The following PDE6A variants were observed in gnomAD, a reference collection of about 807,000 sequenced individuals.
PDE6A encodes the protein phosphodiesterase 6A.
In PDE6A, 84 loss-of-function variants were observed where a neutral mutation model predicts 106.3. That is an observed-to-expected ratio of 0.79 (90% CI 0.66 to 0.95). The LOEUF (loss-of-function observed/expected upper bound fraction) is 0.95, where lower values mean the gene tolerates loss of function less well. Ranked by LOEUF, PDE6A falls within the 40% of genes least tolerant of loss-of-function variation. The pLI is 0.00. For synonymous variants in PDE6A, 394 were observed against 386.6 expected, an observed-to-expected ratio of 1.02 and a Z score of -0.23; for missense variants, 1,052 against 1,084.9, an observed-to-expected ratio of 0.97 and a Z score of 0.43.
Position 149,889,228 on chromosome 5 carries a change from G to A in PDE6A, c.1729-2854C>T, listed in dbSNP as rs1752449210. Among the ~76,000 whole-genome samples, 5 of 151,796 alleles carry A rather than the reference G, an allele frequency of 3.3e-5. No homozygotes were observed. In the South Asian group the frequency reaches 1.0e-3, roughly 32 times the overall value. On this transcript the variant is annotated intron_variant, in intron 13 of 21. Transcript: ENST00000255266. ...TCTTTTAAAACAACAAATTTTCTTTGAGTATTGGTCTGCTGTTAACAGGAA... is the reference window on the plus strand; with the variant it reads ...TCTTTTAAAACAACAAATTTTCTTTAAGTATTGGTCTGCTGTTAACAGGAA...
chr5:149,913,202 CG>C, intron 6 of PDE6A, among the ~76,000 whole-genome samples: 1 of 151,884 alleles, frequency 6.6e-6, no homozygotes, highest in South Asian at 2.1e-4. Flanking sequence ...ACCAACATGG[CG>C]AAACCCCATC....
chr5:149,921,679 C>T lies in PDE6A; in HGVS notation c.889G>A (p.Gly297Ser), dbSNP rs1753726260. The part of the protein sequence containing the change: ...EFFDVWPVLM[G>S]EVPPYSGPRT... ...GGACCAGAGTAAGGTGGAACTTCAC[C>T]CATCAGAACCGGCCACACATCAAAA... is the stretch of plus-strand genomic sequence containing the variant. Residue 297 changes from glycine (G) to serine (S), a missense_variant, in exon 5 of 22, where the codon GGT becomes AGT. Transcript: ENST00000255266. 1 of 1,613,856 alleles carries T rather than the reference C, an allele frequency of 6.2e-7. No homozygotes were observed. The highest frequency in any genetic ancestry group is 8.5e-7 in the Non-Finnish European group (1 of 1,179,834).
At chr5:149,900,251 A>G (rs1752915878) in intron 8 of PDE6A, among the ~76,000 whole-genome samples, 3 of 151,142 alleles carry the variant, frequency 2.0e-5, no homozygotes, top group African/African-American at 7.3e-5. Flanking sequence ...AATCCCAGCT[A>G]CTCGGGAGGC....
In PDE6A at chr5:149,886,348, C is replaced by T. The variant is rs139011078; in HGVS notation, c.1755G>A (p.Thr585=). Residue 585 remains threonine, a synonymous_variant, in exon 14 of 22, where the codon ACG becomes ACA. Coordinates refer to ENST00000255266, the MANE Select transcript of PDE6A (RefSeq NM_000440.3). ...LVTGKLKRYF[T]DLEALAMVTA... Reference sequence around the variant, plus strand: ...TGACCATGGCCAAGGCCTCTAGGTCCGTGAAGTAGCGCTTCAGCTTTCCCG... The same window carrying T: ...TGACCATGGCCAAGGCCTCTAGGTCTGTGAAGTAGCGCTTCAGCTTTCCCG... 4.5e-5 allele frequency: 73 copies of T among 1,614,080 alleles called. No individual in the cohort carries two copies. The African/African-American group carries it at 8.0e-4, about 18-fold the overall frequency.
At chr5:149,918,548 A>T (rs1189005287) in intron 5 of PDE6A, among the ~76,000 whole-genome samples, 1 of 152,166 alleles carries the variant, frequency 6.6e-6, no homozygotes, top group Non-Finnish European at 1.5e-5. Flanking sequence ...CACTGTGCTC[A>T]TATATTATTT....
Position 149,907,313 on chromosome 5 carries a change from A to G in PDE6A, c.1064T>C (p.Leu355Pro), listed in dbSNP as rs745657531. Residue 355 changes from leucine (L) to proline (P), a missense_variant and splice_region_variant, in exon 7 of 22, where the codon CTG becomes CCG. This residue lies in a region of PDE6A where 913 missense variants were observed against 915.2 expected (regional missense o/e 1.00). Coordinates refer to ENST00000255266, the MANE Select transcript of PDE6A (RefSeq NM_000440.3). ...CCCCTTCAAAGTTATATTACTTACC[A>G]GGCCATTCTGGGCAACATAAGCTGG... ...GLPAYVAQNG[L>P]ICNIMNAPAE... 2 of 1,611,652 alleles carry G rather than the reference A, an allele frequency of 1.2e-6. No individual in the cohort carries two copies. The highest frequency in any genetic ancestry group is 2.2e-5 in the South Asian group (2 of 91,026).
chr5:149,867,909 C>A, intron 18 of PDE6A, 110 bp from the exon 19 acceptor site: 1 of 1,166,754 alleles, frequency 8.6e-7, no homozygotes, highest in Non-Finnish European at 1.3e-6. Flanking sequence ...TAAACCCATC[C>A]CTGCCCTGCC....
intron 6 of PDE6A, among the ~76,000 whole-genome samples, chr5:149,908,273 A>G (rs1329862837): frequency 1.3e-5 from 2 of 152,188 alleles, no homozygotes; most frequent in Non-Finnish European, 2.9e-5. Context: ...GGCTAATATA[A>G]ACAGTGCTGC....
intron 5 of PDE6A, among the ~76,000 whole-genome samples, chr5:149,917,455 T>C (rs1050009608): frequency 1.3e-5 from 2 of 152,292 alleles, no homozygotes; most frequent in Admixed American, 6.5e-5. Context: ...TGAAGGTCTG[T>C]TTGGTTGACG....
At chr5:149,887,298 A>T (rs1308214040) in intron 13 of PDE6A, among the ~76,000 whole-genome samples, 1 of 152,236 alleles carries the variant, frequency 6.6e-6, no homozygotes, top group African/African-American at 2.4e-5. Context: ...AATATGCCAG[A>T]CACGAAAGGA....
rs781616522 is a variant in PDE6A at position 149,898,362 on chromosome 5, C to G, written c.1407+1G>C. The G allele has an allele frequency of 1.1e-5, 17 of 1,613,134 alleles. No homozygotes were observed. In the East Asian group the frequency reaches 3.6e-4, roughly 34 times the overall value. On this transcript the variant is annotated splice_donor_variant, in intron 10 of 21. Transcript: ENST00000255266. LOFTEE classifies it high-confidence loss of function. ...AGAAACAAGTAAAGAACATTACACA[C>G]CAAGATTTTCTGAATTTCTTCATTG... is the stretch of plus-strand genomic sequence containing the variant.
chr5:149,907,305 T>C lies in PDE6A; in HGVS notation c.1065+7A>G. On this transcript the variant is annotated splice_region_variant and intron_variant, in intron 7 of 21. Coordinates refer to ENST00000255266, the MANE Select transcript of PDE6A (RefSeq NM_000440.3). ...AAACTCTCCCCCTTCAAAGTTATAT[T>C]ACTTACCAGGCCATTCTGGGCAACA... The C allele has an allele frequency of 6.2e-7, 1 of 1,606,722 alleles. No homozygotes were observed. The highest frequency in any genetic ancestry group is 8.5e-7 in the Non-Finnish European group (1 of 1,173,270).
chr5:149,896,289 C>G lies in PDE6A; in HGVS notation c.1620+67G>C. ...TTTTAAGGTAGTTTACAGATTGAGT[C>G]TTTTTTTTAAAGCAAGCAAGAAAGA... is the stretch of plus-strand genomic sequence containing the variant. On this transcript the variant is annotated intron_variant, in intron 12 of 21. Coordinates refer to ENST00000255266, the MANE Select transcript of PDE6A (RefSeq NM_000440.3). 4.4e-6 allele frequency: 6 copies of G among 1,354,106 alleles called. No homozygotes were observed. The South Asian group carries it at 7.1e-5, about 16-fold the overall frequency. The allele number at this position is 1,354,106 out of a possible 1,614,324, so 83.9% of individuals were successfully genotyped here.
At chr5:149,924,584 CAAAG>C (rs1382774722) in intron 4 of PDE6A, among the ~76,000 whole-genome samples, 4 of 151,948 alleles carry the variant, frequency 2.6e-5, no homozygotes, top group Non-Finnish European at 5.9e-5. Context: ...GACTACAAAA[CAAAG>C]AGAGAGGATT....
At position 149,944,258 on chromosome 5, in the gene PDE6A, C is replaced by T; in HGVS notation, c.416G>A (p.Gly139Asp). 8 of 1,613,748 alleles carry T rather than the reference C, an allele frequency of 5.0e-6. No homozygotes were observed. Among genetic ancestry groups the T allele is most frequent in the Non-Finnish European group, 6.8e-6 (8 of 1,179,936 alleles). Residue 139 changes from glycine to aspartate, a missense_variant, in exon 1 of 22, where the codon GGC (glycine) becomes GAC (aspartate). This residue lies in a region of PDE6A where 913 missense variants were observed against 915.2 expected (regional missense o/e 1.00). Transcript: ENST00000255266. ...AGAGTGTGCGACATGGCCCACGATG[C>T]CCATGTCCAAAGGGAAGACGATCTC... ...DQEIVFPLDM[G>D]IVGHVAHSKK...
At chr5:149,884,380 A>G (rs1254847067) in intron 16 of PDE6A, 99 bp downstream of exon 16, 14 of 743,984 alleles carry the variant, frequency 1.9e-5, no homozygotes, top group South Asian at 4.5e-5. Flanking sequence ...ATATGTGTGT[A>G]TATATATGTG....
At chr5:149,923,359 G>A (rs138557086) in intron 4 of PDE6A, among the ~76,000 whole-genome samples, 269 of 152,122 alleles carry the variant, frequency 1.8e-3, no homozygotes, top group African/African-American at 6.2e-3. Flanking sequence ...TTAGCCGGGC[G>A]TGGTGGTATG....
chr5:149,869,710 G>A (rs1043609293), intron 17 of PDE6A, among the ~76,000 whole-genome samples: 4 of 152,186 alleles, frequency 2.6e-5, no homozygotes, highest in Admixed American at 2.0e-4. Flanking sequence ...GGCAGGACTA[G>A]TAGGATGGAG....
chr5:149,874,006 T>TAAAA (rs796307210), intron 17 of PDE6A, among the ~76,000 whole-genome samples: 1 of 127,962 alleles, frequency 7.8e-6, no homozygotes, highest in Non-Finnish European at 1.7e-5. Flanking sequence ...ACCCTGTCTC[T>TAAAA]AAAAAAAAAA....
Sources: allele counts gnomAD v4.1 joint callset (sites outside exome capture counted in the v4.1 genomes callset), GRCh38; gene constraint gnomAD v4.1.1; regional missense constraint gnomAD v4.1.1; transcripts MANE v1.5; gene names NCBI Gene and HGNC (gene_info 2026-07-23, HGNC 2026-07-21).